The following PRDM11 variants were observed in gnomAD, a reference collection of about 807,000 sequenced individuals.
PRDM11 encodes the protein PR/SET domain 11, also known as PR domain-containing protein 11.
PRDM11 carries 20 observed loss-of-function variants against 97.8 expected under a neutral mutation model. That is an observed-to-expected ratio of 0.20 (90% confidence interval 0.14 to 0.30). The LOEUF is 0.30. Ranked by LOEUF, PRDM11 falls within the 10% of genes least tolerant of loss-of-function variation. The probability of loss-of-function intolerance (pLI) is 1.00; values close to 1 mark genes in which losing one functional copy is unlikely to be tolerated. For missense variants in PRDM11, 1,139 were observed against 1,555.2 expected, an observed-to-expected ratio of 0.73 and a Z score of 4.50; for synonymous variants, 599 against 637.7, an observed-to-expected ratio of 0.94 and a Z score of 0.91.
intron 1 of PRDM11, among the ~76,000 whole-genome samples, chr11:45,098,003 G>A (rs558626116): frequency 2.0e-5 from 3 of 152,326 alleles, no homozygotes; most frequent in Admixed American, 6.5e-5. Context: ...ATCCATTCGT[G>A]GCTGCCCTGA....
rs373577280 is a variant in PRDM11 at position 45,154,470 on chromosome 11, C to A, written c.-7+7593C>A. Reference sequence around the variant, plus strand: ...AGTTGCGGACACATTCAAACAGACCCGGAGCCTCCGCTGAAATGATACTGG... The same window carrying A: ...AGTTGCGGACACATTCAAACAGACCAGGAGCCTCCGCTGAAATGATACTGG... On this transcript the variant is annotated intron_variant, in intron 1 of 7. Transcript: ENST00000683152. Among the ~76,000 whole-genome samples, 41 of 152,292 alleles carry A rather than the reference C, an allele frequency of 2.7e-4. No homozygotes were observed. In the East Asian group the frequency reaches 6.6e-3, roughly 24 times the overall value.
At chr11:45,147,304 G>GGCGC (rs1554967049) in intron 1 of PRDM11, 2 of 151,758 alleles carry the variant, frequency 1.3e-5, no homozygotes, top group African/African-American at 4.8e-5. Context: ...GGCGGGGCGC[G>GGCGC]GACGCCGACG....
chr11:45,103,978 C>T (rs1203024389), intron 1 of PRDM11, among the ~76,000 whole-genome samples: 1 of 152,104 alleles, frequency 6.6e-6, no homozygotes, highest in Non-Finnish European at 1.5e-5. Flanking sequence ...CTTTATTTTG[C>T]AATGACCCTG....
chr11:45,176,028 A>C (rs532976446), intron 1 of PRDM11, among the ~76,000 whole-genome samples: 15 of 152,110 alleles, frequency 9.9e-5, no homozygotes, highest in Admixed American at 5.2e-4. Context: ...TTCAGAGCAT[A>C]TATTTATAAA....
intron 6 of PRDM11, among the ~76,000 whole-genome samples, chr11:45,221,834 A>C (rs972343200): frequency 3.3e-5 from 5 of 152,232 alleles, no homozygotes; most frequent in Admixed American, 6.5e-5. Flanking sequence ...CATGGAGCTC[A>C]GTGGCTTTTA....
At chr11:45,094,911 G>A (rs559999408), upstream of PRDM11, among the ~76,000 whole-genome samples, 9 of 146,668 alleles carry the variant, frequency 6.1e-5, no homozygotes, top group East Asian at 1.0e-3. Flanking sequence ...AAAGAAGGAA[G>A]GGAGGGAAGG....
intron 1 of PRDM11, among the ~76,000 whole-genome samples, chr11:45,165,887 T>C (rs1260781483): frequency 6.6e-6 from 1 of 152,106 alleles, no homozygotes; most frequent in Non-Finnish European, 1.5e-5. Context: ...CCCCCTCCCA[T>C]TGCAGCCTGT....
At chr11:45,139,008 A>G (rs1355822327) in intron 1 of PRDM11, among the ~76,000 whole-genome samples, 1 of 152,262 alleles carries the variant, frequency 6.6e-6, no homozygotes, top group East Asian at 1.9e-4. Flanking sequence ...CCCAATTTTA[A>G]ATGGACAAAG....
chr11:45,122,857 A>C (rs1039409250), intron 1 of PRDM11, among the ~76,000 whole-genome samples: 2 of 152,196 alleles, frequency 1.3e-5, no homozygotes, highest in Admixed American at 1.3e-4. Flanking sequence ...GTACATACCC[A>C]GTAATGGGAT....
intron 1 of PRDM11, among the ~76,000 whole-genome samples, chr11:45,169,337 TCTAGGAGCATCAA>T (rs2135715882): frequency 6.6e-6 from 1 of 152,340 alleles, no homozygotes; most frequent in South Asian, 2.1e-4. Context: ...TAGCCCTCAG[TCTAGGAGCATCAA>T]CTGTCACAGC....
At chr11:45,152,352 C>G (rs752258616) in intron 1 of PRDM11, among the ~76,000 whole-genome samples, 1 of 152,214 alleles carries the variant, frequency 6.6e-6, no homozygotes, top group Non-Finnish European at 1.5e-5. Context: ...CAGGTATGAA[C>G]TACCGGGCCT....
rs530677473 is a variant in PRDM11, at chr11:45,227,578, G to T, written c.2953G>T (p.Ala985Ser). ...CTCCCGCAGCCGGATCTTTGTGAAG[G>T]CCTGCCAGGTGTTTGACCTGGCTGC... ...FDSRSRIFVK[A>S]CQVFDLAAWP... Residue 985 changes from alanine to serine, a missense_variant, in exon 8 of 8, where the codon GCC becomes TCC. Ala to Ser is a moderately conservative substitution (Grantham distance 99, BLOSUM62 1). Transcript: ENST00000683152. The surrounding 1 kb of genome is among the most constrained non-coding windows in gnomAD (Gnocchi z 8.0). 24 of 1,533,918 alleles carry T rather than the reference G, an allele frequency of 1.6e-5. No individual in the cohort carries two copies. The East Asian group carries it at 4.9e-4, about 31-fold the overall frequency.
chr11:45,204,742 T>C lies in PRDM11; in HGVS notation c.518T>C (p.Ile173Thr), dbSNP rs746404932. 10 of 1,613,090 alleles carry C rather than the reference T, an allele frequency of 6.2e-6. No individual in the cohort carries two copies. In the African/African-American group the frequency reaches 8.0e-5, roughly 13 times the overall value. Residue 173 changes from isoleucine to threonine, a missense_variant, in exon 5 of 8, where the codon ATA becomes ACA. Physicochemically the swap from Ile to Thr is moderately conservative, Grantham distance 89 (BLOSUM62 -1). Around this residue, in one of 2 missense-constraint regions of PRDM11, gnomAD observed 429 missense variants for 510.3 expected, o/e 0.84. Coordinates refer to ENST00000683152, the MANE Select transcript of PRDM11 (RefSeq NM_001384648.1). ...GACAAGAACAACCGCTATAAGTCCA[T>C]AGATGGCTCAGACGAGACCAAAGCC... ...IVDKNNRYKS[I>T]DGSDETKANW...
At chr11:45,139,126 T>G (rs1372367288) in intron 1 of PRDM11, among the ~76,000 whole-genome samples, 2 of 152,228 alleles carry the variant, frequency 1.3e-5, no homozygotes, top group East Asian at 3.9e-4. Context: ...ATGAGATACA[T>G]CAGTTGCAGA....
At chr11:45,190,605 A>G (rs1852878370) in intron 4 of PRDM11, among the ~76,000 whole-genome samples, 1 of 151,972 alleles carries the variant, frequency 6.6e-6, no homozygotes, top group South Asian at 2.1e-4. Flanking sequence ...CTACCTGGTA[A>G]ATACTTTCGG....
chr11:45,231,970 T>G lies in PRDM11; in HGVS notation c.*3811T>G, dbSNP rs1343433412. 1 of 152,100 alleles carries G rather than the reference T, an allele frequency of 6.6e-6. No individual in the cohort carries two copies. The highest frequency in any genetic ancestry group is 2.4e-5 in the African/African-American group (1 of 41,390). The allele number at this position is 152,100 out of a possible 1,614,324, so 9.4% of individuals were successfully genotyped here. A position where few individuals can be genotyped will look rare whatever the true frequency, so the allele number is the denominator to read the frequency against. On this transcript the variant is annotated 3_prime_UTR_variant, in exon 8 of 8. Transcript: ENST00000683152. ...GTTCCAGGGTCCCTGGATGGCAAGG[T>G]TCAGTGCTGGGCCCTGGAATCTATG... is the stretch of plus-strand genomic sequence containing the variant.
intron 4 of PRDM11, among the ~76,000 whole-genome samples, chr11:45,194,590 C>CTT (rs1183339151): frequency 0.053 from 4,792 of 89,572 alleles, 496 homozygotes; most frequent in African/African-American, 0.089. Flanking sequence ...TTATTATCTT[C>CTT]TGTTTTTTTT....
chr11:45,214,144 G>A (rs753151988), intron 5 of PRDM11: 6 of 186,118 alleles, frequency 3.2e-5, no homozygotes, highest in Non-Finnish European at 5.6e-5. Context: ...CCCATTCCAG[G>A]TTCCAGCATG....
At chr11:45,153,489 T>G (rs756714130) in intron 1 of PRDM11, among the ~76,000 whole-genome samples, 4 of 152,126 alleles carry the variant, frequency 2.6e-5, no homozygotes, top group Non-Finnish European at 4.4e-5. Flanking sequence ...GTGAATGGCT[T>G]AGGGCCAGTC....
Sources: allele counts gnomAD v4.1 joint callset (sites outside exome capture counted in the v4.1 genomes callset), GRCh38; gene constraint gnomAD v4.1.1; regional missense constraint gnomAD v4.1.1; non-coding constraint Gnocchi (gnomAD v3.1); transcripts MANE v1.5; gene names NCBI Gene and HGNC (gene_info 2026-07-23, HGNC 2026-07-21).